The following MTCL2 variants were observed in gnomAD, a reference collection of about 807,000 sequenced individuals.
The protein encoded by MTCL2 is microtubule cross-linking factor 2.
the MTCL2 span, among the ~76,000 whole-genome samples, chr20:36,842,542 C>T: frequency 7.2e-5 from 11 of 152,298 alleles, no homozygotes; most frequent in South Asian, 4.1e-4. Flanking sequence ...GAGGCCAAGG[C>T]GGTCAGATCG....
chr20:36,831,314 G>A, the MTCL2 span, among the ~76,000 whole-genome samples: 3 of 152,230 alleles, frequency 2.0e-5, no homozygotes, highest in Non-Finnish European at 2.9e-5. Flanking sequence ...TCAGGGTCAC[G>A]CAAAGCCAGT....
the MTCL2 span, chr20:36,780,034 A>G: frequency 3.9e-5 from 6 of 152,156 alleles, no homozygotes; most frequent in African/African-American, 1.4e-4. Context: ...AAGATTACAG[A>G]AAGTCAAAGC....
At chr20:36,815,001 G>T in the MTCL2 span, 3 of 900,290 alleles carry the variant, frequency 3.3e-6, no homozygotes, top group Non-Finnish European at 5.0e-6. This position sits in a 1 kb window ranked among gnomAD's most constrained non-coding sequence, Gnocchi z 5.3. Flanking sequence ...TATCGAGGCT[G>T]CAGTGAACTG....
At chr20:36,839,580 T>C in the MTCL2 span, 1 of 694,232 alleles carries the variant, frequency 1.4e-6, no homozygotes, top group Non-Finnish European at 2.4e-6. This position sits in a 1 kb window ranked among gnomAD's most constrained non-coding sequence, Gnocchi z 5.1. Flanking sequence ...TCCAAAGACG[T>C]CCATGTTCAC....
the MTCL2 span, chr20:36,794,312 G>A: frequency 1.3e-5 from 21 of 1,564,468 alleles, no homozygotes; most frequent in African/African-American, 2.7e-5. The surrounding 1 kb of genome is among the most constrained non-coding windows in gnomAD (Gnocchi z 5.4). Context: ...CCGGGCCACC[G>A]GGGGACTATA....
At chr20:36,845,659 G>A in the MTCL2 span, among the ~76,000 whole-genome samples, 1 of 152,236 alleles carries the variant, frequency 6.6e-6, no homozygotes, top group African/African-American at 2.4e-5. Flanking sequence ...GGCCCGAGGT[G>A]GGGCTAGGAG....
the MTCL2 span, among the ~76,000 whole-genome samples, chr20:36,791,321 C>T: frequency 2.0e-5 from 3 of 152,216 alleles, no homozygotes; most frequent in African/African-American, 7.2e-5. Context: ...GCATGAGCCA[C>T]CGCGCCCGGC....
chr20:36,778,237 G>T, the MTCL2 span: 1 of 160,994 alleles, frequency 6.2e-6, no homozygotes, highest in East Asian at 1.8e-4. Flanking sequence ...TCCAGATAAG[G>T]CTGGTGTTTT....
the MTCL2 span, chr20:36,794,621 ACGT>A: frequency 1.9e-6 from 3 of 1,613,914 alleles, no homozygotes; most frequent in African/African-American, 4.0e-5. The surrounding 1 kb of genome is among the most constrained non-coding windows in gnomAD (Gnocchi z 5.4). Flanking sequence ...AGAGGAGGAA[ACGT>A]CGTTATTAGT....
At chr20:36,849,111 G>A in the MTCL2 span, among the ~76,000 whole-genome samples, 1 of 76,682 alleles carries the variant, frequency 1.3e-5, no homozygotes, top group Non-Finnish European at 2.3e-5. Flanking sequence ...ACCCAGGCTG[G>A]AGTGCAATGG....
the MTCL2 span, among the ~76,000 whole-genome samples, chr20:36,856,349 C>T: frequency 6.6e-6 from 1 of 152,248 alleles, no homozygotes; most frequent in African/African-American, 2.4e-5. Flanking sequence ...CACCTCTACC[C>T]TTGCCTCCAT....
the MTCL2 span, among the ~76,000 whole-genome samples, chr20:36,809,188 C>A: frequency 6.6e-6 from 1 of 152,178 alleles, no homozygotes; most frequent in African/African-American, 2.4e-5. Flanking sequence ...GGATTAGAGG[C>A]CCAGCCCTGC....
At chr20:36,839,211 G>C in the MTCL2 span, 1 of 1,587,294 alleles carries the variant, frequency 6.3e-7, no homozygotes, top group Non-Finnish European at 8.6e-7. The surrounding 1 kb of genome is among the most constrained non-coding windows in gnomAD (Gnocchi z 5.1). Flanking sequence ...CCGAGCCCAG[G>C]CTGACCTTGA....
chr20:36,846,793 G>A, the MTCL2 span, among the ~76,000 whole-genome samples: 1 of 152,152 alleles, frequency 6.6e-6, no homozygotes. Context: ...GATTACCTGA[G>A]GTCAGGAGTT....
the MTCL2 span, among the ~76,000 whole-genome samples, chr20:36,829,860 G>A: frequency 2.6e-5 from 4 of 151,962 alleles, no homozygotes; most frequent in African/African-American, 4.8e-5. Flanking sequence ...TTAGCCAGGC[G>A]TGGTGGCAGG....
the MTCL2 span, among the ~76,000 whole-genome samples, chr20:36,826,950 A>T: frequency 1.9e-4 from 29 of 152,292 alleles, no homozygotes; most frequent in African/African-American, 5.8e-4. Context: ...ATTTCTTCAT[A>T]GTATTCTATG....
chr20:36,803,211 C>T, the MTCL2 span: 7 of 1,454,188 alleles, frequency 4.8e-6, no homozygotes, highest in Non-Finnish European at 5.5e-6. Context: ...GGGAGAGGTC[C>T]CCTCAGAAGA....
At chr20:36,855,090 C>CG in the MTCL2 span, among the ~76,000 whole-genome samples, 1 of 151,916 alleles carries the variant, frequency 6.6e-6, no homozygotes, top group East Asian at 1.9e-4. Flanking sequence ...CCTGGGGTCA[C>CG]GGGGGTCACA....
the MTCL2 span, among the ~76,000 whole-genome samples, chr20:36,856,760 A>G: frequency 1.3e-5 from 2 of 152,246 alleles, no homozygotes; most frequent in African/African-American, 4.8e-5. Context: ...CACTGAAAAC[A>G]GTAGTAGTTT....
Sources: allele counts gnomAD v4.1 joint callset (sites outside exome capture counted in the v4.1 genomes callset), GRCh38; gene constraint gnomAD v4.1.1; non-coding constraint Gnocchi (gnomAD v3.1); transcripts MANE v1.5; gene names NCBI Gene and HGNC (gene_info 2026-07-23, HGNC 2026-07-21).